NRXN3: variants seen among roughly 807,000 people sequenced by gnomAD.
The protein encoded by NRXN3 is neurexin III.
Under a neutral mutation model 137.6 loss-of-function variants are expected in NRXN3, and 32 were observed. The observed-to-expected ratio is 0.23, with a 90% confidence interval of 0.18 to 0.31. The LOEUF (loss-of-function observed/expected upper bound fraction) is 0.31, where lower values mean the gene tolerates loss of function less well. NRXN3 is among the 10% of genes least tolerant of loss of function. NRXN3 has a pLI of 1.00. For synonymous variants in NRXN3, 798 were observed against 784.5 expected (o/e 1.02, Z -0.29); for missense variants, 1,574 against 2,062.5 (o/e 0.76, Z 4.59).
chr14:79,727,833 T>C (rs1444198674), intron 19 of NRXN3, among the ~76,000 whole-genome samples: 1 of 152,176 alleles, frequency 6.6e-6, no homozygotes, highest in Non-Finnish European at 1.5e-5. Context: ...TTTCCCCTTT[T>C]TAGAAGGAAA....
chr14:79,601,040 CTTT>C (rs36044631), intron 16 of NRXN3, among the ~76,000 whole-genome samples: 2 of 93,406 alleles, frequency 2.1e-5, no homozygotes, highest in African/African-American at 9.2e-5. Flanking sequence ...TCTTTGTTGC[CTTT>C]TTTTTTTTTT....
At chr14:79,248,430 T>C (rs2075498649) in intron 15 of NRXN3, among the ~76,000 whole-genome samples, 1 of 152,154 alleles carries the variant, frequency 6.6e-6, no homozygotes, top group Admixed American at 6.5e-5. Context: ...GCCATTTCCG[T>C]GGACAGACTA....
At chr14:79,465,058 T>A (rs2096403602) in intron 15 of NRXN3, among the ~76,000 whole-genome samples, 1 of 152,216 alleles carries the variant, frequency 6.6e-6, no homozygotes, top group African/African-American at 2.4e-5. Context: ...AAGATTTTTA[T>A]AAATTGCCAT....
intron 15 of NRXN3, among the ~76,000 whole-genome samples, chr14:79,240,155 AAT>A (rs901538233): frequency 2.0e-5 from 3 of 151,962 alleles, no homozygotes; most frequent in Admixed American, 6.6e-5. Context: ...GTACCATACA[AAT>A]ATATATATAT....
chr14:79,096,519 G>T (rs976040984), intron 15 of NRXN3, among the ~76,000 whole-genome samples: 4 of 151,902 alleles, frequency 2.6e-5, no homozygotes, highest in African/African-American at 9.7e-5. Context: ...CTATGAGACT[G>T]CAGGCAGTTT....
At chr14:79,801,447 A>T (rs151004789) in intron 19 of NRXN3, among the ~76,000 whole-genome samples, 1 of 152,338 alleles carries the variant, frequency 6.6e-6, no homozygotes, top group South Asian at 2.1e-4. Context: ...AGGAGTGGCT[A>T]TCAGGCTTGG....
intron 20 of NRXN3, among the ~76,000 whole-genome samples, chr14:79,813,109 C>T (rs1407775334): frequency 2.0e-5 from 3 of 152,114 alleles, no homozygotes; most frequent in Admixed American, 6.5e-5. Context: ...TTAACAGCCC[C>T]TACCATCAGT....
intron 16 of NRXN3, among the ~76,000 whole-genome samples, chr14:79,471,712 G>C (rs1354578677): frequency 6.6e-6 from 1 of 152,164 alleles, no homozygotes; most frequent in African/African-American, 2.4e-5. Context: ...TGTTGTGTGG[G>C]ATGGTAGAAA....
At chr14:78,191,406 T>A (rs2060715261) in intron 1 of NRXN3, among the ~76,000 whole-genome samples, 1 of 152,132 alleles carries the variant, frequency 6.6e-6, no homozygotes, top group African/African-American at 2.4e-5. Context: ...AGCCTGTATT[T>A]GTGACTGTGA....
At chr14:78,173,125 G>A (rs2058895666) in intron 1 of NRXN3, among the ~76,000 whole-genome samples, 1 of 152,026 alleles carries the variant, frequency 6.6e-6, no homozygotes, top group Admixed American at 6.5e-5. Flanking sequence ...ATGAGAGAAT[G>A]GTGGGAGAAC....
chr14:79,505,747 A>G (rs1272175262), intron 16 of NRXN3, among the ~76,000 whole-genome samples: 3 of 152,240 alleles, frequency 2.0e-5, no homozygotes, highest in Non-Finnish European at 4.4e-5. Context: ...GCCCAACAGC[A>G]TAAAATATAG....
chr14:79,364,396 C>A (rs1686827988), intron 15 of NRXN3, among the ~76,000 whole-genome samples: 1 of 152,120 alleles, frequency 6.6e-6, no homozygotes, highest in Non-Finnish European at 1.5e-5. Flanking sequence ...AGTATTTTTT[C>A]TTCATTCACT....
chr14:79,322,978 C>T (rs567402256), intron 15 of NRXN3, among the ~76,000 whole-genome samples: 83 of 152,268 alleles, frequency 5.5e-4, no homozygotes, highest in Non-Finnish European at 4.6e-4. Context: ...ACTGTAGTGA[C>T]GGCAGGGGAT....
intron 15 of NRXN3, among the ~76,000 whole-genome samples, chr14:79,402,356 C>A (rs1340668245): frequency 6.6e-6 from 1 of 152,178 alleles, no homozygotes; most frequent in South Asian, 2.1e-4. Flanking sequence ...AATGCACATG[C>A]ATATTCATAA....
At chr14:79,724,800 T>G (rs955136033) in intron 19 of NRXN3, among the ~76,000 whole-genome samples, 1 of 152,110 alleles carries the variant, frequency 6.6e-6, no homozygotes, top group East Asian at 1.9e-4. Context: ...GGCTGGGCCC[T>G]TCAGAGCCTC....
intron 16 of NRXN3, among the ~76,000 whole-genome samples, chr14:79,482,062 C>A (rs536580164): frequency 1.8e-4 from 27 of 152,234 alleles, no homozygotes; most frequent in African/African-American, 6.5e-4. Flanking sequence ...AATCTTGTGA[C>A]CTCCGGAATA....
rs139592106 is a variant in NRXN3, at chr14:79,761,218, G to A, written c.4015-43894G>A. On this transcript the variant is annotated intron_variant, in intron 19 of 20. Coordinates refer to ENST00000335750, the MANE Select transcript of NRXN3 (RefSeq NM_001330195.2). ...GTAACTAAGAAGCATTTTGTCATCC[G>A]ACGGCTCCTCTTCCTTTGGCCTTCT... Among the ~76,000 whole-genome samples the A allele has an allele frequency of 1.8e-3, 278 of 151,706 alleles. 9 individuals carry two copies. The highest frequency in any genetic ancestry group is 5.2e-3 in the African/African-American group (212 of 41,032).
intron 19 of NRXN3, among the ~76,000 whole-genome samples, chr14:79,781,946 C>G (rs1253747848): frequency 6.6e-6 from 1 of 152,182 alleles, no homozygotes; most frequent in East Asian, 1.9e-4. Context: ...TGAAGCAGTA[C>G]AATTTCTCTT....
intron 20 of NRXN3, among the ~76,000 whole-genome samples, chr14:79,826,889 G>A (rs2099304241): frequency 6.6e-6 from 1 of 152,114 alleles, no homozygotes; most frequent in Non-Finnish European, 1.5e-5. Flanking sequence ...GAAGCGGGAA[G>A]ATAGAGCCTG....
Sources: allele counts gnomAD v4.1 joint callset (sites outside exome capture counted in the v4.1 genomes callset), GRCh38; gene constraint gnomAD v4.1.1; transcripts MANE v1.5; gene names NCBI Gene and HGNC (gene_info 2026-07-23, HGNC 2026-07-21).